OR51B5: variants seen among roughly 807,000 people sequenced by gnomAD.
OR51B5 encodes olfactory receptor 51B5.
For synonymous variants in OR51B5, 186 were observed against 144.8 expected (o/e 1.28, Z -2.04); for missense variants, 456 against 374.6 (o/e 1.22, Z -1.79).
intron 1 of OR51B5, among the ~76,000 whole-genome samples, chr11:5,432,513 G>A (rs117086162): frequency 0.014 from 2,103 of 152,242 alleles, 27 homozygotes; most frequent in Non-Finnish European, 0.021. Flanking sequence ...GAAAAAATGA[G>A]AAAATTAATG....
At chr11:5,447,897 C>A (rs1017783998) in intron 1 of OR51B5, among the ~76,000 whole-genome samples, 43 of 152,160 alleles carry the variant, frequency 2.8e-4, no homozygotes, top group African/African-American at 1.0e-3. Context: ...AGTCTCCCCT[C>A]AACCCCCATC....
chr11:5,343,545 A>ATGT (rs1411903744), upstream of OR51B5: 5 of 737,390 alleles, frequency 6.8e-6, no homozygotes, highest in Non-Finnish European at 1.2e-5. Context: ...TATAGAAGAA[A>ATGT]TGTCTTTCTG....
chr11:5,349,226 A>G (rs1849037925), intron 1 of OR51B5, among the ~76,000 whole-genome samples: 1 of 152,076 alleles, frequency 6.6e-6, no homozygotes, highest in Non-Finnish European at 1.5e-5. Flanking sequence ...AAGTGAAAGC[A>G]CTCAGTTTTC....
chr11:5,353,629 T>C (rs911723482), intron 1 of OR51B5, among the ~76,000 whole-genome samples: 5 of 152,188 alleles, frequency 3.3e-5, no homozygotes, highest in Non-Finnish European at 5.9e-5. Flanking sequence ...CCAGTATCCA[T>C]GACTCAAATG....
chr11:5,422,152 T>G, intron 1 of OR51B5: 2 of 1,360,226 alleles, frequency 1.5e-6, no homozygotes, highest in Non-Finnish European at 2.0e-6. Flanking sequence ...CTAATGTTTC[T>G]TTTTCTCCCT....
intron 1 of OR51B5, among the ~76,000 whole-genome samples, chr11:5,374,055 C>T (rs7125754): frequency 0.27 from 40,518 of 151,822 alleles, 5,607 homozygotes; most frequent in African/African-American, 0.32. Context: ...CCCTGACCCC[C>T]GAGCAGCCTA....
chr11:5,364,438 C>T (rs1849335708), intron 1 of OR51B5, among the ~76,000 whole-genome samples: 1 of 152,172 alleles, frequency 6.6e-6, no homozygotes, highest in Non-Finnish European at 1.5e-5. Context: ...GAGAGCTGCA[C>T]ATCTTTCTGT....
At chr11:5,505,359 C>T (rs957046168) in intron 1 of OR51B5, 58 of 1,303,898 alleles carry the variant, frequency 4.4e-5, no homozygotes, top group African/African-American at 1.7e-4. Context: ...ACCTCATGAA[C>T]GGAAGAAAAT....
chr11:5,357,005 C>G (rs1047346146), intron 1 of OR51B5, among the ~76,000 whole-genome samples: 1 of 151,994 alleles, frequency 6.6e-6, no homozygotes, highest in African/African-American at 2.4e-5. Context: ...ACAACCGGTA[C>G]CAGCCACTGC....
chr11:5,419,445 A>G (rs1850297046), intron 1 of OR51B5, among the ~76,000 whole-genome samples: 6 of 151,670 alleles, frequency 4.0e-5, no homozygotes, highest in South Asian at 2.1e-4. Context: ...AAAGTATTGG[A>G]AAAAAAACTT....
chr11:5,453,467 AG>A lies in OR51B5; in HGVS notation n.84+52101del, dbSNP rs1434755766. On this transcript the variant is annotated intron_variant and non_coding_transcript_variant, in intron 1 of 4. Coordinates refer to the OR51B5 transcript ENST00000415970. ...CAAGTCAGAAGATCTGACTCTGAAAAGTACCCTAAGTTTGTTTTGCTATGGG... is the reference window on the plus strand; with the variant it reads ...CAAGTCAGAAGATCTGACTCTGAAAATACCCTAAGTTTGTTTTGCTATGGG... 7 of 1,490,296 alleles carry A rather than the reference AG, an allele frequency of 4.7e-6. No homozygotes were observed. The African/African-American group carries it at 9.8e-5, about 21-fold the overall frequency. 92.3% of individuals were successfully genotyped at this position (1,490,296 alleles called of 1,614,324 possible).
At chr11:5,452,306 C>T (rs1850864741) in intron 1 of OR51B5, among the ~76,000 whole-genome samples, 1 of 151,894 alleles carries the variant, frequency 6.6e-6, no homozygotes, top group Non-Finnish European at 1.5e-5. Flanking sequence ...AGATCGAGAT[C>T]ATCCTGGCTA....
chr11:5,373,112 C>G (rs543189498), intron 1 of OR51B5, among the ~76,000 whole-genome samples: 3 of 152,184 alleles, frequency 2.0e-5, no homozygotes, highest in East Asian at 1.9e-4. Context: ...ACTGGATATC[C>G]AAATGCAAAA....
chr11:5,495,252 C>T (rs1009351798), intron 1 of OR51B5, among the ~76,000 whole-genome samples: 1 of 151,922 alleles, frequency 6.6e-6, no homozygotes, highest in African/African-American at 2.4e-5. Flanking sequence ...CTATAATTAG[C>T]AACATAAAAA....
intron 1 of OR51B5, chr11:5,351,975 A>G: frequency 6.2e-7 from 1 of 1,613,294 alleles, no homozygotes; most frequent in Non-Finnish European, 8.5e-7. Context: ...CCATTATGCC[A>G]ATAGTTGTTC....
intron 1 of OR51B5, among the ~76,000 whole-genome samples, chr11:5,401,890 T>TC (rs1849974930): frequency 1.0e-5 from 1 of 98,926 alleles, no homozygotes; most frequent in Admixed American, 1.0e-4. Context: ...TTCTCTCTCT[T>TC]CCTTCCTTCC....
chr11:5,422,077 C>G, intron 1 of OR51B5: 1 of 783,708 alleles, frequency 1.3e-6, no homozygotes, highest in South Asian at 1.9e-5. Flanking sequence ...CTTTAGTTAC[C>G]CTCAACAACT....
intron 1 of OR51B5, among the ~76,000 whole-genome samples, chr11:5,425,015 GCAAATAC>G (rs1217517452): frequency 1.4e-5 from 2 of 146,810 alleles, no homozygotes; most frequent in Non-Finnish European, 3.0e-5. Context: ...AAGGCAGAAA[GCAAATAC>G]CAAAGGAATC....
intron 1 of OR51B5, among the ~76,000 whole-genome samples, chr11:5,459,356 C>T (rs1851012179): frequency 1.3e-5 from 2 of 152,242 alleles, no homozygotes; most frequent in South Asian, 2.1e-4. Context: ...ATTAAGTTTG[C>T]TAGCATTTTG....
Sources: allele counts gnomAD v4.1 joint callset (sites outside exome capture counted in the v4.1 genomes callset), GRCh38; gene constraint gnomAD v4.1.1; transcripts MANE v1.5; gene names NCBI Gene and HGNC (gene_info 2026-07-23, HGNC 2026-07-21).